ARMH4: variants seen among roughly 807,000 people sequenced by gnomAD.
ARMH4 encodes armadillo-like helical domain-containing protein 4.
In ARMH4, 49 loss-of-function variants were observed where a neutral mutation model predicts 61.9. That is an observed-to-expected ratio of 0.79 (90% CI 0.63 to 1.00). The LOEUF is 1.00. Among genes scored for constraint, ARMH4 ranks in the 50% least tolerant of loss-of-function variants. The probability of loss-of-function intolerance (pLI) is 0.00; values close to 1 mark genes in which losing one functional copy is unlikely to be tolerated. For missense variants in ARMH4, 934 were observed against 930.0 expected (o/e 1.00, Z -0.06); for synonymous variants, 368 against 341.5 (o/e 1.08, Z -0.85).
intron 4 of ARMH4, among the ~76,000 whole-genome samples, chr14:58,107,007 A>G (rs559419546): frequency 1.3e-5 from 2 of 152,208 alleles, no homozygotes; most frequent in Admixed American, 6.5e-5. Flanking sequence ...TCAATAAAAT[A>G]TATGGGAGAA....
At chr14:58,038,552 T>A (rs28874393) in intron 5 of ARMH4, among the ~76,000 whole-genome samples, 28 of 136,938 alleles carry the variant, frequency 2.0e-4, no homozygotes, top group African/African-American at 4.4e-4. Flanking sequence ...TAAAGTATAA[T>A]AAAAAAAAAT....
At chr14:58,131,869 T>C in intron 3 of ARMH4, 148 bp from the exon 4 acceptor site, 1 of 665,656 alleles carries the variant, frequency 1.5e-6, no homozygotes, top group Non-Finnish European at 2.6e-6. Context: ...TCCTTTCCCA[T>C]ATTGTATTAA....
chr14:58,053,375 T>C (rs1884209615), intron 5 of ARMH4, among the ~76,000 whole-genome samples: 1 of 152,210 alleles, frequency 6.6e-6, no homozygotes, highest in South Asian at 2.1e-4. Flanking sequence ...AGCAGGGTCT[T>C]GCAGGGTTTG....
intron 1 of ARMH4, among the ~76,000 whole-genome samples, chr14:58,148,307 AG>A (rs1887812829): frequency 6.6e-6 from 1 of 152,112 alleles, no homozygotes; most frequent in Non-Finnish European, 1.5e-5. Flanking sequence ...GGCCTCCCAA[AG>A]TGTTGGGATT....
intron 5 of ARMH4, among the ~76,000 whole-genome samples, chr14:58,081,482 C>T (rs1228640078): frequency 6.6e-6 from 1 of 151,754 alleles, no homozygotes; most frequent in Non-Finnish European, 1.5e-5. Flanking sequence ...GTACAAAACA[C>T]TCTCAAATTT....
chr14:58,054,883 A>AATAATAAT (rs1555338495), intron 5 of ARMH4, among the ~76,000 whole-genome samples: 8 of 138,460 alleles, frequency 5.8e-5, no homozygotes, highest in South Asian at 2.3e-4. Context: ...AAAAAAAAAA[A>AATAATAAT]AATAATAATA....
intron 5 of ARMH4, among the ~76,000 whole-genome samples, chr14:58,079,777 T>C (rs565566915): frequency 2.0e-5 from 3 of 152,196 alleles, no homozygotes; most frequent in Admixed American, 6.5e-5. Context: ...GACTCTCTTG[T>C]GATGAAAAGC....
chr14:58,111,798 T>A (rs1225943873), intron 4 of ARMH4, among the ~76,000 whole-genome samples: 2 of 151,988 alleles, frequency 1.3e-5, no homozygotes, highest in Non-Finnish European at 2.9e-5. Context: ...GCTCAAGCAA[T>A]CCTCCTACCT....
At chr14:58,121,587 T>C (rs1886726641) in intron 4 of ARMH4, among the ~76,000 whole-genome samples, 1 of 152,232 alleles carries the variant, frequency 6.6e-6, no homozygotes, top group African/African-American at 2.4e-5. Flanking sequence ...TGAGCATTAT[T>C]AGCAAACGTG....
chr14:58,094,139 A>T (rs1279089622), intron 5 of ARMH4, among the ~76,000 whole-genome samples: 1 of 151,850 alleles, frequency 6.6e-6, no homozygotes, highest in Non-Finnish European at 1.5e-5. Flanking sequence ...AGACCAGCCT[A>T]GCCAATATGG....
chr14:58,081,364 C>G (rs1020166116), intron 5 of ARMH4, among the ~76,000 whole-genome samples: 1 of 152,168 alleles, frequency 6.6e-6, no homozygotes, highest in African/African-American at 2.4e-5. Context: ...ACTGTGCTTG[C>G]TTTCTCCAAA....
Position 58,068,735 on chromosome 14 carries a change from G to A in ARMH4, c.2089+27989C>T, listed in dbSNP as rs58752051. Among the ~76,000 whole-genome samples, 958 of 152,214 alleles carry A rather than the reference G, an allele frequency of 6.3e-3. 9 individuals carry two copies. The highest frequency in any genetic ancestry group is 0.021 in the African/African-American group (890 of 41,524). On this transcript the variant is annotated intron_variant, in intron 5 of 7. Coordinates refer to ENST00000267485, the MANE Select transcript of ARMH4 (RefSeq NM_001001872.4). ...TTAAAGAAGACTCTAGGCCACGCGC[G>A]GTGGCTCACACCTGTAATCCCAACA...
rs540541947 is a variant in ARMH4, at chr14:58,051,076, G to A, written c.2090-38926C>T. On this transcript the variant is annotated intron_variant, in intron 5 of 7. Coordinates refer to ENST00000267485, the MANE Select transcript of ARMH4 (RefSeq NM_001001872.4). ...TTTTTTGGGGAATGCAACTATGGTT[G>A]ATCAGGCACCCATACGAGATTCAAG... Among the ~76,000 whole-genome samples the A allele has an allele frequency of 3.6e-4, 55 of 151,162 alleles. 1 individual carries two copies. The highest frequency in any genetic ancestry group is 1.3e-3 in the African/African-American group (55 of 41,092).
chr14:58,044,150 T>A (rs1473033892), intron 5 of ARMH4, among the ~76,000 whole-genome samples: 1 of 152,166 alleles, frequency 6.6e-6, no homozygotes, highest in Non-Finnish European at 1.5e-5. Flanking sequence ...AGAGCCCGCA[T>A]TGCCAAATCA....
chr14:58,069,052 A>G (rs1007871465), intron 5 of ARMH4, among the ~76,000 whole-genome samples: 1 of 151,854 alleles, frequency 6.6e-6, no homozygotes, highest in Non-Finnish European at 1.5e-5. Context: ...GACTCTAAAG[A>G]TCTATAAAGA....
At chr14:58,124,493 T>A (rs377083179) in intron 4 of ARMH4, among the ~76,000 whole-genome samples, 35 of 152,284 alleles carry the variant, frequency 2.3e-4, no homozygotes, top group African/African-American at 8.2e-4. Context: ...TGTGTGGACA[T>A]CTTATGATGT....
At chr14:58,020,722 C>T (rs917445534) in intron 5 of ARMH4, among the ~76,000 whole-genome samples, 5 of 152,182 alleles carry the variant, frequency 3.3e-5, no homozygotes, top group African/African-American at 1.2e-4. Context: ...TAGCAGCATC[C>T]TTAGCTCTCC....
intron 5 of ARMH4, among the ~76,000 whole-genome samples, chr14:58,084,583 T>C (rs567467724): frequency 1.3e-5 from 2 of 152,288 alleles, no homozygotes; most frequent in African/African-American, 4.8e-5. Flanking sequence ...ATCAAATCCT[T>C]CCTGTTCCAA....
intron 5 of ARMH4, among the ~76,000 whole-genome samples, chr14:58,019,868 G>A (rs1488173647): frequency 6.6e-6 from 1 of 152,038 alleles, no homozygotes; most frequent in African/African-American, 2.4e-5. Flanking sequence ...GTGTTTTAAT[G>A]GGCTGTGGCT....
Sources: allele counts gnomAD v4.1 joint callset (sites outside exome capture counted in the v4.1 genomes callset), GRCh38; gene constraint gnomAD v4.1.1; transcripts MANE v1.5; gene names NCBI Gene and HGNC (gene_info 2026-07-23, HGNC 2026-07-21).